The following IARS1 variants were observed in gnomAD, a reference collection of about 807,000 sequenced individuals.
IARS1 encodes isoleucine--tRNA ligase, cytoplasmic.
A neutral mutation model predicts 168.2 loss-of-function variants in IARS1; 124 were observed. The ratio of observed to expected loss-of-function variants is 0.74; its 90% CI spans 0.64 to 0.86. The LOEUF is 0.86. Among genes scored for constraint, IARS1 ranks in the 40% least tolerant of loss-of-function variants. The pLI, the probability that IARS1 is intolerant of heterozygous loss-of-function variation, is 0.00. For missense variants in IARS1, 1,452 were observed against 1,515.8 expected, an observed-to-expected ratio of 0.96 and a Z score of 0.70; for synonymous variants, 532 against 529.4, an observed-to-expected ratio of 1.00 and a Z score of -0.07.
At chr9:92,243,560 G>C in intron 27 of IARS1, 1 of 338,064 alleles carries the variant, frequency 3.0e-6, no homozygotes. Context: ...CTGCTCACAG[G>C]AGATGCCCTG....
chr9:92,285,313 C>A (rs1165376340), intron 6 of IARS1, among the ~76,000 whole-genome samples: 1 of 152,156 alleles, frequency 6.6e-6, no homozygotes, highest in African/African-American at 2.4e-5. Flanking sequence ...TACCATTTGG[C>A]ATCTCAAATT....
chr9:92,275,606 T>C (rs565665320), intron 9 of IARS1, among the ~76,000 whole-genome samples: 10 of 152,340 alleles, frequency 6.6e-5, no homozygotes, highest in African/African-American at 2.4e-4. Flanking sequence ...TATACTTAGT[T>C]ACATGTTCTA....
intron 14 of IARS1, 62 bp from the exon 15 acceptor site, chr9:92,265,615 A>G (rs1440429792): frequency 2.4e-6 from 3 of 1,225,220 alleles, no homozygotes; most frequent in Non-Finnish European, 3.6e-6. Context: ...TACTGAGTTA[A>G]TTTATATAGC....
chr9:92,278,192 T>A lies in IARS1; in HGVS notation c.833+7A>T. On this transcript the variant is annotated splice_region_variant and intron_variant, in intron 8 of 33. Transcript: ENST00000443024. ...CACAAACACAGAGCAACTATTTGAA[T>A]ATTCACCTTTCAAGGATCTCATAGT... The A allele has an allele frequency of 6.5e-7, 1 of 1,539,152 alleles. No individual in the cohort carries two copies. Among genetic ancestry groups the A allele is most frequent in the Non-Finnish European group, 9.0e-7 (1 of 1,111,412 alleles).
At position 92,251,830 on chromosome 9, in the gene IARS1, A is replaced by G. The variant is rs202096401; in HGVS notation, c.2285T>C (p.Leu762Pro). 1.8e-5 allele frequency: 29 copies of G among 1,613,960 alleles called. No individual in the cohort carries two copies. The highest frequency in any genetic ancestry group is 8.5e-7 in the Non-Finnish European group (1 of 1,179,896). The change falls in exon 22 of 34, where the codon CTG becomes CCG. Residue 762 changes from leucine to proline, a missense_variant. Physicochemically the swap from Leu to Pro is moderately conservative, Grantham distance 98 (BLOSUM62 -3). Transcript: ENST00000443024. ...TACCATAAGTCTGCAAAGAGAAAGC[A>G]GAACACTAAACAAGGTTTCTAGGGC... ...VMALETLFSVLLSLCRLMAPY... is the reference protein window; with the variant it reads ...VMALETLFSVPLSLCRLMAPY...
intron 7 of IARS1, 140 bp downstream of exon 7, chr9:92,280,606 T>G: frequency 2.0e-6 from 1 of 495,524 alleles, no homozygotes. Context: ...AACAAATGTT[T>G]AAAGTTATTT....
Position 92,288,292 on chromosome 9 carries a change from A to C in IARS1, c.120-10T>G, listed in dbSNP as rs1008927589. The C allele has an allele frequency of 6.2e-7, 1 of 1,613,570 alleles. No homozygotes were observed. Among genetic ancestry groups the C allele is most frequent in the Non-Finnish European group, 8.5e-7 (1 of 1,179,684 alleles). Reference sequence around the variant, plus strand: ...ATCATAGAAGGTAAATCTAACAGGTAATAAAAATATATCAAGCCATTTAAA... The same window carrying C: ...ATCATAGAAGGTAAATCTAACAGGTCATAAAAATATATCAAGCCATTTAAA... On this transcript the variant is annotated splice_polypyrimidine_tract_variant and intron_variant, in intron 2 of 33. Transcript: ENST00000443024.
intron 15 of IARS1, 109 bp downstream of exon 15, chr9:92,265,371 G>T: frequency 9.5e-7 from 1 of 1,056,646 alleles, no homozygotes; most frequent in Non-Finnish European, 1.4e-6. Flanking sequence ...CATCAGCAAA[G>T]TAATTCAGCA....
intron 6 of IARS1, among the ~76,000 whole-genome samples, chr9:92,284,313 A>G (rs185498004): frequency 4.0e-4 from 61 of 152,324 alleles, no homozygotes; most frequent in African/African-American, 1.3e-3. Context: ...TGATGAAATA[A>G]TATGATATCT....
intron 27 of IARS1, chr9:92,243,547 G>A: frequency 2.6e-6 from 1 of 390,178 alleles, no homozygotes; most frequent in East Asian, 5.2e-5. Flanking sequence ...TTTTTGTAGG[G>A]TGCTGCTCAC....
At chr9:92,273,871 C>T (rs929474868) in intron 10 of IARS1, among the ~76,000 whole-genome samples, 3 of 152,184 alleles carry the variant, frequency 2.0e-5, no homozygotes, top group Non-Finnish European at 2.9e-5. Flanking sequence ...ACAGAGGAGG[C>T]AAAAGAAGTC....
At position 92,237,553 on chromosome 9, in the gene IARS1, T is replaced by C. The variant is rs78123308; in HGVS notation, c.3283+3303A>G. On this transcript the variant is annotated intron_variant, in intron 30 of 33. Coordinates refer to ENST00000443024, the MANE Select transcript of IARS1 (RefSeq NM_002161.6). ...TCTATTGATTACTGAAAAAGGTACT[T>C]TGAAGTCTCCAACTATAGTTGTAGA... Among the ~76,000 whole-genome samples the C allele has an allele frequency of 3.3e-3, 504 of 152,320 alleles. 1 individual carries two copies. Among genetic ancestry groups the C allele is most frequent in the African/African-American group, 0.011 (463 of 41,574 alleles).
chr9:92,267,302 T>C (rs1289763756), intron 14 of IARS1, among the ~76,000 whole-genome samples: 4 of 152,172 alleles, frequency 2.6e-5, no homozygotes, highest in Admixed American at 6.5e-5. Flanking sequence ...TGTTCAGTCC[T>C]GAAAAGTCTT....
chr9:92,281,948 T>G (rs924024997), intron 6 of IARS1, among the ~76,000 whole-genome samples: 1 of 152,088 alleles, frequency 6.6e-6, no homozygotes, highest in African/African-American at 2.4e-5. Context: ...AAGCACACAA[T>G]GTAGGTCTTT....
At chr9:92,236,021 G>A (rs910174916) in intron 30 of IARS1, among the ~76,000 whole-genome samples, 11 of 150,164 alleles carry the variant, frequency 7.3e-5, no homozygotes, top group Admixed American at 3.3e-4. Context: ...CGCTGTTGTC[G>A]GCCTGGGCTG....
At position 92,240,930 on chromosome 9, in the gene IARS1, G is replaced by C; in HGVS notation, c.3209C>G (p.Thr1070Ser). 1 of 1,613,152 alleles carries C rather than the reference G, an allele frequency of 6.2e-7. No individual in the cohort carries two copies. The highest frequency in any genetic ancestry group is 8.5e-7 in the Non-Finnish European group (1 of 1,179,248). Residue 1070 changes from threonine to serine, a missense_variant, in exon 30 of 34, where the codon ACC (threonine) becomes AGC (serine). Coordinates refer to ENST00000443024, the MANE Select transcript of IARS1 (RefSeq NM_002161.6). Reference sequence around the variant, plus strand: ...AGGACCAGGAAGGGAAGATCCTCTGGTGAGTGTAATTTCCAGTTCAGATCC... The same window carrying C: ...AGGACCAGGAAGGGAAGATCCTCTGCTGAGTGTAATTTCCAGTTCAGATCC... ...LKGSELEITLTRGSSLPGPAC... is the reference protein window; with the variant it reads ...LKGSELEITLSRGSSLPGPAC...
At chr9:92,247,000 C>G (rs968031123) in intron 26 of IARS1, among the ~76,000 whole-genome samples, 1 of 152,154 alleles carries the variant, frequency 6.6e-6, no homozygotes, top group African/African-American at 2.4e-5. Context: ...TAGAGACCAG[C>G]CTGGCCAACA....
At chr9:92,273,566 T>A (rs1044796723) in intron 10 of IARS1, among the ~76,000 whole-genome samples, 2 of 152,254 alleles carry the variant, frequency 1.3e-5, no homozygotes, top group African/African-American at 4.8e-5. Context: ...TATTATCATA[T>A]TTTCTTCTGT....
At chr9:92,276,783 G>A (rs1340634247) in intron 9 of IARS1, among the ~76,000 whole-genome samples, 2 of 152,180 alleles carry the variant, frequency 1.3e-5, no homozygotes, top group Non-Finnish European at 1.5e-5. Flanking sequence ...AAATAAGGAC[G>A]GAGAAATTCC....
Sources: allele counts gnomAD v4.1 joint callset (sites outside exome capture counted in the v4.1 genomes callset), GRCh38; gene constraint gnomAD v4.1.1; transcripts MANE v1.5; gene names NCBI Gene and HGNC (gene_info 2026-07-23, HGNC 2026-07-21).